The following TOGARAM2 variants were observed in gnomAD, a reference collection of about 807,000 sequenced individuals.
TOGARAM2 encodes the protein TOG array regulator of axonemal microtubules 2.
TOGARAM2 carries 85 observed loss-of-function variants against 93.3 expected under a neutral mutation model. The observed-to-expected ratio is 0.91, with a 90% confidence interval of 0.76 to 1.09. TOGARAM2 has a LOEUF of 1.09. TOGARAM2 is among the 50% of genes least tolerant of loss of function. The pLI is 0.00. For missense variants in TOGARAM2, 1,277 were observed against 1,334.5 expected (o/e 0.96, Z 0.67); for synonymous variants, 593 against 552.8 (o/e 1.07, Z -1.02).
chr2:29,014,870 C>T (rs1395461810), intron 8 of TOGARAM2, among the ~76,000 whole-genome samples: 1 of 152,066 alleles, frequency 6.6e-6, no homozygotes, highest in African/African-American at 2.4e-5. Flanking sequence ...ACAGGGCTCA[C>T]GAGGAAGCCG....
At chr2:29,006,343 T>C (rs1002821943) in intron 6 of TOGARAM2, among the ~76,000 whole-genome samples, 6 of 143,830 alleles carry the variant, frequency 4.2e-5, no homozygotes, top group African/African-American at 1.6e-4. Flanking sequence ...TGTGTGTATG[T>C]GTGTATGTGT....
chr2:28,958,388 C>T lies in TOGARAM2; in HGVS notation c.-147+1691C>T, dbSNP rs143537889. On this transcript the variant is annotated intron_variant, in intron 1 of 6. Coordinates refer to the TOGARAM2 transcript ENST00000401723. The stretch of plus-strand genomic sequence containing the variant: ...TGGCATGATCATGGCTCACTGCAGC[C>T]TCGGACTCCCAGGCTCAAGTGATCC... 2.3e-3 allele frequency among the ~76,000 whole-genome samples: 350 copies of T among 151,906 alleles called. 3 individuals are homozygous for T. Among genetic ancestry groups the T allele is most frequent in the African/African-American group, 8.3e-3 (342 of 41,408 alleles).
At chr2:29,000,985 G>T (rs1673258343) in intron 4 of TOGARAM2, among the ~76,000 whole-genome samples, 1 of 152,196 alleles carries the variant, frequency 6.6e-6, no homozygotes, top group South Asian at 2.1e-4. Flanking sequence ...GGGAAAAAAA[G>T]AATGGAGTTG....
chr2:28,976,325 C>T (rs1469413043), upstream of TOGARAM2, among the ~76,000 whole-genome samples: 1 of 152,202 alleles, frequency 6.6e-6, no homozygotes, highest in Admixed American at 6.5e-5. Context: ...GAGCTGAGAT[C>T]ACACCACTGC....
In TOGARAM2 at chr2:29,011,644, A is replaced by T. The variant is rs567810015; in HGVS notation, c.877+143A>T. 2.7e-5 allele frequency: 23 copies of T among 837,498 alleles called. No individual in the cohort carries two copies. In the South Asian group the frequency reaches 4.7e-4, roughly 17 times the overall value. The allele number at this position is 837,498 out of a possible 1,614,324, so 51.9% of individuals were successfully genotyped here. ...CATTTCACAGCAGGAAGCTGAAGTC[A>T]CCGGAGGTCTAACCGGAGGGTGGCA... On this transcript the variant is annotated intron_variant, in intron 7 of 19. Coordinates refer to ENST00000379558, the MANE Select transcript of TOGARAM2 (RefSeq NM_199280.4).
At chr2:29,011,239 C>T (rs368459632) in intron 6 of TOGARAM2, among the ~76,000 whole-genome samples, 2 of 152,228 alleles carry the variant, frequency 1.3e-5, no homozygotes, top group South Asian at 2.1e-4. Flanking sequence ...TGGGGCTGAA[C>T]CTGGCCTGGT....
chr2:28,958,430 C>G (rs772418704), intron 1 of TOGARAM2, among the ~76,000 whole-genome samples: 1 of 151,918 alleles, frequency 6.6e-6, no homozygotes, highest in Non-Finnish European at 1.5e-5. Context: ...TTCAGCCTCC[C>G]GAGTAGCTGG....
At chr2:29,006,057 G>GCGTA (rs1262215854) in intron 6 of TOGARAM2, among the ~76,000 whole-genome samples, 102 of 50,610 alleles carry the variant, frequency 2.0e-3, no homozygotes, top group Non-Finnish European at 4.8e-3. Context: ...TGGAGTGTGT[G>GCGTA]TGTATGTGTA....
chr2:28,978,781 G>A (rs1672072011), upstream of TOGARAM2, among the ~76,000 whole-genome samples: 1 of 152,112 alleles, frequency 6.6e-6, no homozygotes. Context: ...GCAGGCCAGT[G>A]TGAGCACACC....
intron 3 of TOGARAM2, among the ~76,000 whole-genome samples, 153 bp downstream of exon 3, chr2:28,998,406 C>T (rs1287192148): frequency 2.0e-5 from 3 of 152,226 alleles, no homozygotes; most frequent in Admixed American, 2.0e-4. Flanking sequence ...CTTTCAAAGG[C>T]AGGTTCTTTT....
intron 2 of TOGARAM2, among the ~76,000 whole-genome samples, chr2:28,995,424 G>A (rs1488287099): frequency 6.6e-6 from 1 of 152,216 alleles, no homozygotes; most frequent in East Asian, 1.9e-4. Context: ...ATGGGCTGGA[G>A]CAGGGGCCAG....
At chr2:29,014,627 CAAGT>C (rs1664446607) in intron 8 of TOGARAM2, 66 bp downstream of exon 8, 9 of 1,523,258 alleles carry the variant, frequency 5.9e-6, no homozygotes, top group Admixed American at 2.0e-5. Context: ...GGAAGGCAAG[CAAGT>C]GTCTGAAGTA....
chr2:29,022,648 T>A (rs1292353031), intron 11 of TOGARAM2, among the ~76,000 whole-genome samples: 1 of 152,194 alleles, frequency 6.6e-6, no homozygotes, highest in Non-Finnish European at 1.5e-5. Context: ...TTTCTCTGAA[T>A]GAAATTGAAT....
chr2:28,995,300 G>T (rs1359460213), intron 2 of TOGARAM2, among the ~76,000 whole-genome samples: 1 of 152,234 alleles, frequency 6.6e-6, no homozygotes, highest in Non-Finnish European at 1.5e-5. Flanking sequence ...TTGAGGCCTG[G>T]CTCTGCTTTT....
Position 29,014,567 on chromosome 2 carries a change from T to C in TOGARAM2, c.1044+6T>C, listed in dbSNP as rs1191248295. 3.2e-6 allele frequency: 5 copies of C among 1,562,420 alleles called. No individual in the cohort carries two copies. Among genetic ancestry groups the C allele is most frequent in the Non-Finnish European group, 3.5e-6 (4 of 1,152,846 alleles). On this transcript the variant is annotated splice_donor_region_variant and intron_variant, in intron 8 of 19. Coordinates refer to ENST00000379558, the MANE Select transcript of TOGARAM2 (RefSeq NM_199280.4). ...AGAAGGAGATCGGCACCAAGGTACCTGGGGAGCGGGAGGAGGAGGAAGTGG... is the reference window on the plus strand; with the variant it reads ...AGAAGGAGATCGGCACCAAGGTACCCGGGGAGCGGGAGGAGGAGGAAGTGG...
intron 1 of TOGARAM2, among the ~76,000 whole-genome samples, chr2:28,987,017 C>G (rs939682662): frequency 2.0e-5 from 3 of 152,206 alleles, no homozygotes; most frequent in African/African-American, 7.2e-5. Context: ...CCCTGAAATA[C>G]TGCCACCTCC....
At chr2:29,024,631 T>C (rs1665220794) in intron 13 of TOGARAM2, among the ~76,000 whole-genome samples, 1 of 152,186 alleles carries the variant, frequency 6.6e-6, no homozygotes, top group Non-Finnish European at 1.5e-5. Flanking sequence ...CCTGCTTCCC[T>C]GTGCCGGGCA....
intron 6 of TOGARAM2, among the ~76,000 whole-genome samples, chr2:29,006,722 C>T (rs756374917): frequency 2.0e-5 from 3 of 152,118 alleles, no homozygotes; most frequent in Non-Finnish European, 2.9e-5. Context: ...CGTCCATGTA[C>T]CTGCTCCTGG....
chr2:29,041,128 G>A (rs559518535), intron 18 of TOGARAM2, among the ~76,000 whole-genome samples: 5 of 151,244 alleles, frequency 3.3e-5, no homozygotes, highest in South Asian at 2.1e-4. Flanking sequence ...GGGCTCAAGC[G>A]ATGCTTCTGC....
Sources: allele counts gnomAD v4.1 joint callset (sites outside exome capture counted in the v4.1 genomes callset), GRCh38; gene constraint gnomAD v4.1.1; transcripts MANE v1.5; gene names NCBI Gene and HGNC (gene_info 2026-07-23, HGNC 2026-07-21).